FBXW4: variants seen among roughly 807,000 people sequenced by gnomAD.
FBXW4 encodes the protein F-box/WD repeat-containing protein 4.
Under a neutral mutation model 61.8 loss-of-function variants are expected in FBXW4, and 40 were observed. The ratio of observed to expected loss-of-function variants is 0.65; its 90% CI spans 0.50 to 0.84. The LOEUF is 0.84. Among genes scored for constraint, FBXW4 ranks in the 40% least tolerant of loss-of-function variants. The pLI is 0.00. For missense variants in FBXW4, 672 were observed against 753.8 expected (o/e 0.89, Z 1.27); for synonymous variants, 311 against 313.8 (o/e 0.99, Z 0.10).
chr10:101,658,276 GT>G (rs1197232896), intron 5 of FBXW4, among the ~76,000 whole-genome samples: 2 of 152,180 alleles, frequency 1.3e-5, no homozygotes, highest in Non-Finnish European at 2.9e-5. Flanking sequence ...GCCGGGCATG[GT>G]GGCGCACATC....
chr10:101,669,090 G>C (rs531273465), intron 4 of FBXW4, among the ~76,000 whole-genome samples: 21 of 152,268 alleles, frequency 1.4e-4, no homozygotes, highest in African/African-American at 5.1e-4. Context: ...CCCTATAAAA[G>C]GAGAAAGTGT....
intron 5 of FBXW4, among the ~76,000 whole-genome samples, chr10:101,658,111 C>T (rs2064206024): frequency 6.6e-6 from 1 of 152,158 alleles, no homozygotes. Flanking sequence ...GGGCCTTAAG[C>T]CCATTATCAA....
chr10:101,622,155 CA>C (rs147071681), intron 6 of FBXW4, among the ~76,000 whole-genome samples: 15,593 of 99,334 alleles, frequency 0.16, 923 homozygotes, highest in African/African-American at 0.3. Context: ...ATGGATTTTT[CA>C]AAAAAAAAAA....
chr10:101,650,895 C>G (rs780854428), intron 5 of FBXW4, among the ~76,000 whole-genome samples: 3 of 152,184 alleles, frequency 2.0e-5, no homozygotes, highest in Non-Finnish European at 4.4e-5. Flanking sequence ...ATCGGGCTCT[C>G]GAGAGACGCG....
chr10:101,694,603 T>A lies in FBXW4; in HGVS notation c.503A>T (p.Glu168Val). Reference protein sequence around the residue: ...AAAGEEEEEEEAARESAARPA... With the variant: ...AAAGEEEEEEVAARESAARPA... ...GCGGGCAGCCGACTCCCGAGCCGCC[T>A]CCTCCTCCTCCTCCTCCTCCCCGGC... is the stretch of plus-strand genomic sequence containing the variant. The change falls in exon 1 of 9, where the codon GAG becomes GTG. Residue 168 changes from glutamate to valine, a missense_variant. This residue lies in a region of FBXW4 where 311 missense variants were observed against 301.1 expected (regional missense o/e 1.03). Transcript: ENST00000331272. This position sits in a 1 kb window ranked among gnomAD's most constrained non-coding sequence, Gnocchi z 6.0. 1.6e-6 allele frequency: 2 copies of A among 1,235,570 alleles called. No homozygotes were observed. Among genetic ancestry groups the A allele is most frequent in the Admixed American group, 3.5e-5 (1 of 28,196 alleles). The allele number at this position is 1,235,570 out of a possible 1,614,324, so 76.5% of individuals were successfully genotyped here.
At chr10:101,622,007 GTTGT>G (rs1437902940) in intron 6 of FBXW4, among the ~76,000 whole-genome samples, 1 of 152,164 alleles carries the variant, frequency 6.6e-6, no homozygotes, top group Non-Finnish European at 1.5e-5. Flanking sequence ...AGACGGAATG[GTTGT>G]TTGGGGAAGT....
intron 5 of FBXW4, among the ~76,000 whole-genome samples, chr10:101,652,245 C>T (rs574133550): frequency 6.6e-6 from 1 of 152,254 alleles, no homozygotes; most frequent in East Asian, 1.9e-4. Flanking sequence ...TTTCAGACAG[C>T]CATAGCTGCC....
At chr10:101,677,839 A>G (rs73351267) in intron 1 of FBXW4, among the ~76,000 whole-genome samples, 4,034 of 152,018 alleles carry the variant, frequency 0.027, 189 homozygotes, top group African/African-American at 0.089. Flanking sequence ...AGATTTGTGC[A>G]GTTTACTCAA....
intron 5 of FBXW4, among the ~76,000 whole-genome samples, chr10:101,650,811 C>T (rs1045177936): frequency 5.3e-5 from 8 of 152,174 alleles, no homozygotes; most frequent in Admixed American, 5.2e-4. Flanking sequence ...CCAACACAGG[C>T]CCGCATTAAA....
rs1476358340 is a variant in FBXW4 at position 101,611,643 on chromosome 10, T to C, written c.1569A>G (p.Gln523=). ...YGVVRLWDRR[Q]RACLHAFPLT... ...GGACACTTACGTGCAGGCAGGCCCT[T>C]TGACGCCGGTCCCACAGCCGTACAA... The change falls in exon 8 of 9, where the codon CAA becomes CAG. Residue 523 remains glutamine, a synonymous_variant. Coordinates refer to ENST00000331272, the MANE Select transcript of FBXW4 (RefSeq NM_022039.4). This position sits in a 1 kb window ranked among gnomAD's most constrained non-coding sequence, Gnocchi z 4.9. 6.2e-7 allele frequency: 1 copy of C among 1,614,202 alleles called. No homozygotes were observed.
Position 101,611,424 on chromosome 10 carries a change from C to A in FBXW4, c.1585-14G>T. 1 of 1,610,980 alleles carries A rather than the reference C, an allele frequency of 6.2e-7. No individual in the cohort carries two copies. The highest frequency in any genetic ancestry group is 8.5e-7 in the Non-Finnish European group (1 of 1,178,566). ...CAGCGGGAAGGCCTGGAAGGGAGGG[C>A]ACAGGAAGTGGTAAGAGCTTTCCAA... On this transcript the variant is annotated splice_polypyrimidine_tract_variant and intron_variant, in intron 8 of 8. Coordinates refer to ENST00000331272, the MANE Select transcript of FBXW4 (RefSeq NM_022039.4). This position sits in a 1 kb window ranked among gnomAD's most constrained non-coding sequence, Gnocchi z 4.9.
intron 7 of FBXW4, 76 bp downstream of exon 7, chr10:101,612,261 C>G: frequency 1.4e-6 from 2 of 1,397,044 alleles, no homozygotes; most frequent in Non-Finnish European, 1.9e-6. Context: ...CTCCCATGGG[C>G]CAACCCAGGA....
chr10:101,627,183 G>A (rs574245090), intron 5 of FBXW4, among the ~76,000 whole-genome samples: 12 of 151,834 alleles, frequency 7.9e-5, no homozygotes, highest in Admixed American at 5.9e-4. Flanking sequence ...AACCACTGGC[G>A]CTCAGCCTCC....
At chr10:101,650,990 G>T (rs191288531) in intron 5 of FBXW4, among the ~76,000 whole-genome samples, 1 of 152,202 alleles carries the variant, frequency 6.6e-6, no homozygotes, top group Non-Finnish European at 1.5e-5. Flanking sequence ...TCCCGCCTGG[G>T]CCCTGAGTTC....
chr10:101,638,488 C>CAAAAAAAAAAAAA (rs781303866), intron 5 of FBXW4, among the ~76,000 whole-genome samples: 1 of 79,614 alleles, frequency 1.3e-5, no homozygotes, highest in South Asian at 3.6e-4. Flanking sequence ...GGATGTCCTG[C>CAAAAAAAAAAAAA]AAAAAAAAAA....
chr10:101,627,988 T>C, intron 5 of FBXW4: 2 of 985,390 alleles, frequency 2.0e-6, no homozygotes, highest in African/African-American at 1.7e-5. Context: ...TGATAACCTG[T>C]TCGATTTGAA....
At chr10:101,642,988 T>C (rs2064066903) in intron 5 of FBXW4, among the ~76,000 whole-genome samples, 2 of 152,084 alleles carry the variant, frequency 1.3e-5, no homozygotes, top group African/African-American at 4.8e-5. Flanking sequence ...CTCCCTGCCA[T>C]CCTCCCCAAA....
chr10:101,678,934 A>T (rs1018919187), intron 1 of FBXW4, among the ~76,000 whole-genome samples: 1 of 144,532 alleles, frequency 6.9e-6, no homozygotes, highest in African/African-American at 2.9e-5. Flanking sequence ...ATTCATATAG[A>T]ATAATTATTT....
intron 1 of FBXW4, among the ~76,000 whole-genome samples, chr10:101,691,497 A>G (rs190506892): frequency 6.6e-6 from 1 of 152,314 alleles, no homozygotes; most frequent in East Asian, 1.9e-4. Context: ...CAAAACACAC[A>G]TGTCTAATAA....
Sources: gnomAD v4.1 joint callset for allele counts (sites outside exome capture counted in the v4.1 genomes callset) on GRCh38, gnomAD v4.1.1 for gene constraint, gnomAD v4.1.1 regional missense constraint, Gnocchi (gnomAD v3.1) non-coding constraint, MANE v1.5 for transcripts, NCBI Gene and HGNC (gene_info 2026-07-23, HGNC 2026-07-21) for gene names.